SYT16: variants seen among roughly 807,000 people sequenced by gnomAD.
SYT16 encodes synaptotagmin-16.
In SYT16, 42 loss-of-function variants were observed where a neutral mutation model predicts 61.4. That is an observed-to-expected ratio of 0.68 (90% confidence interval 0.53 to 0.89). The LOEUF (loss-of-function observed/expected upper bound fraction) is 0.89. Among genes scored for constraint, SYT16 ranks in the 40% least tolerant of loss-of-function variants. The pLI, the probability that SYT16 is intolerant of heterozygous loss-of-function variation, is 0.00. For synonymous variants in SYT16, 314 were observed against 302.3 expected (o/e 1.04, Z -0.40); for missense variants, 804 against 807.3 (o/e 1.00, Z 0.05).
intron 1 of SYT16, among the ~76,000 whole-genome samples, chr14:61,829,929 C>G (rs2045886731): frequency 6.6e-6 from 1 of 152,170 alleles, no homozygotes; most frequent in Admixed American, 6.5e-5. Context: ...GCTGGGATTA[C>G]AGGCATGAGC....
At chr14:61,935,478 C>A (rs950986923) in intron 1 of SYT16, among the ~76,000 whole-genome samples, 1 of 152,322 alleles carries the variant, frequency 6.6e-6, no homozygotes, top group Non-Finnish European at 1.5e-5. Flanking sequence ...ACTGGCCTAG[C>A]CTGGCTCTTC....
chr14:61,829,747 C>T (rs1050812806), intron 1 of SYT16, among the ~76,000 whole-genome samples: 18 of 152,146 alleles, frequency 1.2e-4, no homozygotes, highest in Admixed American at 5.2e-4. Flanking sequence ...CTCCGCCTCC[C>T]GGGTTCATGC....
At chr14:62,097,869 C>T (rs1566847059) in intron 7 of SYT16, among the ~76,000 whole-genome samples, 1 of 152,174 alleles carries the variant, frequency 6.6e-6, no homozygotes, top group Non-Finnish European at 1.5e-5. Context: ...CACAATTGCC[C>T]AATCAGTTTG....
intron 2 of SYT16, among the ~76,000 whole-genome samples, chr14:61,984,029 C>G (rs1430929311): frequency 6.6e-6 from 1 of 152,158 alleles, no homozygotes; most frequent in African/African-American, 2.4e-5. Flanking sequence ...TCAAAATTAT[C>G]TTGAAGCAAA....
intron 3 of SYT16, among the ~76,000 whole-genome samples, chr14:62,047,922 T>A (rs1037014012): frequency 6.6e-6 from 1 of 152,240 alleles, no homozygotes; most frequent in Non-Finnish European, 1.5e-5. Flanking sequence ...TCAAGGATAT[T>A]CGTCTAAAAT....
intron 1 of SYT16, among the ~76,000 whole-genome samples, chr14:61,840,605 A>T (rs1351148176): frequency 2.7e-5 from 4 of 150,650 alleles, no homozygotes; most frequent in Non-Finnish European, 5.9e-5. Context: ...TTTATTATTC[A>T]TTTATTTTTA....
chr14:61,923,703 G>C (rs1451324975), intron 1 of SYT16, among the ~76,000 whole-genome samples: 1 of 152,062 alleles, frequency 6.6e-6, no homozygotes, highest in Non-Finnish European at 1.5e-5. Flanking sequence ...GTCTGTGCCA[G>C]ACAAATGGAA....
chr14:61,899,439 T>C (rs1157929070), intron 1 of SYT16, among the ~76,000 whole-genome samples: 1 of 152,218 alleles, frequency 6.6e-6, no homozygotes, highest in Non-Finnish European at 1.5e-5. Context: ...ACATAATGAA[T>C]AATATTCACT....
chr14:61,953,888 A>G (rs1254839), intron 1 of SYT16, among the ~76,000 whole-genome samples: 37,815 of 152,044 alleles, frequency 0.25, 5,416 homozygotes, highest in South Asian at 0.38. Context: ...CTGAAGCAAG[A>G]CCAGAATCCA....
chr14:61,903,685 T>G (rs1237766759), intron 1 of SYT16, among the ~76,000 whole-genome samples: 1 of 152,194 alleles, frequency 6.6e-6, no homozygotes, highest in Non-Finnish European at 1.5e-5. Flanking sequence ...GGATGGAAAC[T>G]GGAATGAGTG....
intron 1 of SYT16, among the ~76,000 whole-genome samples, chr14:61,947,363 AAC>A (rs888406770): frequency 1.0e-4 from 15 of 149,292 alleles, no homozygotes; most frequent in Non-Finnish European, 1.8e-4. Flanking sequence ...CTTCTAAATT[AAC>A]AGTTTTAAGA....
In SYT16 at chr14:62,075,388, A is replaced by G. The variant is rs760120499; in HGVS notation, c.990A>G (p.Pro330=). ...CTGACAGCTCCTCCATGTGGAGTCC[A>G]GAGGCAAGTTATTTGTTTTTCATTC... ...YATDSSSMWS[P]EEQDRTNLQV... is the part of the protein sequence containing the mutation. Residue 330 remains proline, a synonymous_variant, in exon 5 of 8, where the codon CCA becomes CCG. Coordinates refer to ENST00000683842, the MANE Select transcript of SYT16 (RefSeq NM_001367656.1). 21 of 1,600,346 alleles carry G rather than the reference A, an allele frequency of 1.3e-5. No individual in the cohort carries two copies. The African/African-American group carries it at 2.5e-4, about 19-fold the overall frequency.
chr14:61,940,636 C>T (rs774362555), intron 1 of SYT16, among the ~76,000 whole-genome samples: 12 of 152,140 alleles, frequency 7.9e-5, no homozygotes, highest in South Asian at 2.1e-4. Context: ...CATAAAGTGC[C>T]TGGCACATAG....
At chr14:61,880,369 T>A (rs2047658037) in intron 1 of SYT16, among the ~76,000 whole-genome samples, 1 of 152,220 alleles carries the variant, frequency 6.6e-6, no homozygotes, top group Non-Finnish European at 1.5e-5. Flanking sequence ...GCTTTACAGG[T>A]GGTTATGTAG....
At chr14:62,097,695 A>T (rs1173020386) in intron 7 of SYT16, among the ~76,000 whole-genome samples, 1 of 152,192 alleles carries the variant, frequency 6.6e-6, no homozygotes, top group African/African-American at 2.4e-5. Context: ...TCTGCGTTAT[A>T]CACATACAAT....
intron 1 of SYT16, among the ~76,000 whole-genome samples, chr14:61,925,003 C>T (rs1411652613): frequency 6.6e-6 from 1 of 152,224 alleles, no homozygotes; most frequent in African/African-American, 2.4e-5. Flanking sequence ...AAAACGTACA[C>T]TTGCATCTCA....
intron 3 of SYT16, among the ~76,000 whole-genome samples, chr14:62,034,244 C>G (rs1055696374): frequency 1.3e-5 from 2 of 152,156 alleles, no homozygotes; most frequent in Non-Finnish European, 2.9e-5. Flanking sequence ...CCTTAATATA[C>G]TGCTGGTGGG....
At chr14:61,886,180 G>A (rs1251778060) in intron 1 of SYT16, among the ~76,000 whole-genome samples, 1 of 151,982 alleles carries the variant, frequency 6.6e-6, no homozygotes, top group African/African-American at 2.4e-5. Context: ...TGGCCAGGAT[G>A]GTCTCGATCT....
At chr14:61,985,110 C>T (rs189360294) in intron 2 of SYT16, among the ~76,000 whole-genome samples, 72 of 152,232 alleles carry the variant, frequency 4.7e-4, no homozygotes, top group Non-Finnish European at 8.5e-4. Context: ...ATATTATTAG[C>T]ATTACTATTC....
Sources: allele counts gnomAD v4.1 joint callset (sites outside exome capture counted in the v4.1 genomes callset), GRCh38; gene constraint gnomAD v4.1.1; transcripts MANE v1.5; gene names NCBI Gene and HGNC (gene_info 2026-07-23, HGNC 2026-07-21).